GPHN: variants seen among roughly 807,000 people sequenced by gnomAD.
GPHN encodes the protein gephyrin.
A neutral mutation model predicts 95.5 loss-of-function variants in GPHN; 17 were observed. The ratio of observed to expected loss-of-function variants is 0.18; its 90% CI spans 0.12 to 0.27. GPHN has a LOEUF of 0.27. Among genes scored for constraint, GPHN ranks in the 10% least tolerant of loss-of-function variants. The pLI is 1.00. For missense variants in GPHN, 660 were observed against 978.1 expected (o/e 0.67, Z 4.34); for synonymous variants, 320 against 322.5 (o/e 0.99, Z 0.08).
At chr14:66,676,394 T>A (rs1054049746) in intron 1 of GPHN, among the ~76,000 whole-genome samples, 2 of 152,134 alleles carry the variant, frequency 1.3e-5, no homozygotes, top group African/African-American at 4.8e-5. Flanking sequence ...TTCTAGTTCT[T>A]AAAGGCTTTT....
At chr14:66,538,478 T>A (rs1381283078) in intron 1 of GPHN, among the ~76,000 whole-genome samples, 4 of 152,060 alleles carry the variant, frequency 2.6e-5, no homozygotes, top group Non-Finnish European at 4.4e-5. Context: ...GTGGTTCAAT[T>A]TTGTATTTTT....
the GPHN span, among the ~76,000 whole-genome samples, chr14:67,553,742 C>T: frequency 6.6e-6 from 1 of 152,182 alleles, no homozygotes; most frequent in Non-Finnish European, 1.5e-5. Flanking sequence ...TTATCTGCCC[C>T]GTGGCTGCAT....
At chr14:67,615,834 CTGGCCTGTCCATTGGTGA>C in the GPHN span, 1 of 616,282 alleles carries the variant, frequency 1.6e-6, no homozygotes, top group East Asian at 3.3e-5. Flanking sequence ...AGAGAACATT[CTGGCCTGTCCATTGGTGA>C]TTCGGCGAAG....
At chr14:66,587,165 A>G (rs185495660) in intron 1 of GPHN, among the ~76,000 whole-genome samples, 2 of 152,298 alleles carry the variant, frequency 1.3e-5, no homozygotes, top group Admixed American at 1.3e-4. Flanking sequence ...GAAATGTACA[A>G]CTACCAAGAA....
intron 18 of GPHN, among the ~76,000 whole-genome samples, chr14:67,152,686 G>A (rs1259023621): frequency 6.6e-6 from 1 of 152,204 alleles, no homozygotes; most frequent in Non-Finnish European, 1.5e-5. Context: ...ATGTTCACTG[G>A]CGGGGCGCGG....
chr14:67,600,039 G>C, the GPHN span: 1 of 1,573,352 alleles, frequency 6.4e-7, no homozygotes, highest in Admixed American at 1.9e-5. Context: ...AGAGGGTGAA[G>C]AGTCCGTAGG....
At chr14:66,823,008 T>A (rs1407323087) in intron 3 of GPHN, 1 of 152,250 alleles carries the variant, frequency 6.6e-6, no homozygotes, top group East Asian at 1.9e-4. Flanking sequence ...GTTTTTTGTT[T>A]ATTGTTTTCT....
At chr14:66,873,266 C>T (rs1247265479) in intron 4 of GPHN, among the ~76,000 whole-genome samples, 4 of 152,178 alleles carry the variant, frequency 2.6e-5, no homozygotes, top group African/African-American at 7.2e-5. Flanking sequence ...CTTTGCAAAC[C>T]GCAGACCAGG....
chr14:67,716,196 CAAA>C, the GPHN span, among the ~76,000 whole-genome samples: 3 of 108,700 alleles, frequency 2.8e-5, no homozygotes, highest in Non-Finnish European at 1.9e-5. Flanking sequence ...GACTCCGTCT[CAAA>C]AAAAAAAAAA....
chr14:66,951,301 A>C (rs1487704590), intron 8 of GPHN, among the ~76,000 whole-genome samples: 1 of 151,964 alleles, frequency 6.6e-6, no homozygotes, highest in Non-Finnish European at 1.5e-5. Context: ...GGCAGATCAC[A>C]AGGTCAGGAC....
chr14:67,405,560 C>T, the GPHN span, among the ~76,000 whole-genome samples: 2 of 152,172 alleles, frequency 1.3e-5, no homozygotes, highest in African/African-American at 4.8e-5. Context: ...TGTTCACAGC[C>T]TTGCATAGTC....
chr14:67,590,687 T>C, the GPHN span, among the ~76,000 whole-genome samples: 1,415 of 152,226 alleles, frequency 9.3e-3, 79 homozygotes, highest in East Asian at 0.12. Flanking sequence ...CTCACCCACA[T>C]CAAGGGGTAT....
At chr14:66,686,104 A>G (rs1056341518) in intron 2 of GPHN, among the ~76,000 whole-genome samples, 3 of 152,138 alleles carry the variant, frequency 2.0e-5, no homozygotes, top group Admixed American at 6.6e-5. Flanking sequence ...CCAGTGGTCT[A>G]TATCTCTGTT....
intron 12 of GPHN, among the ~76,000 whole-genome samples, chr14:67,093,006 G>A (rs1032731974): frequency 3.3e-5 from 5 of 152,002 alleles, no homozygotes; most frequent in Non-Finnish European, 5.9e-5. Context: ...AGAACTCCAA[G>A]TTCAGCTTTC....
At chr14:67,695,101 C>T in the GPHN span, among the ~76,000 whole-genome samples, 2 of 152,308 alleles carry the variant, frequency 1.3e-5, no homozygotes, top group East Asian at 3.9e-4. Context: ...TAACCAAACA[C>T]TCTTCCTTTT....
the GPHN span, among the ~76,000 whole-genome samples, chr14:67,495,146 T>A: frequency 6.6e-6 from 1 of 152,134 alleles, no homozygotes; most frequent in Admixed American, 6.5e-5. Context: ...GGAACAGACA[T>A]GGAGGCAAAT....
intron 5 of GPHN, among the ~76,000 whole-genome samples, chr14:66,913,840 T>C (rs1164769065): frequency 6.6e-6 from 1 of 152,224 alleles, no homozygotes; most frequent in East Asian, 1.9e-4. Context: ...TTGGTGCTTA[T>C]AGTTTTTAAA....
At chr14:67,698,886 G>A in the GPHN span, among the ~76,000 whole-genome samples, 5 of 152,100 alleles carry the variant, frequency 3.3e-5, no homozygotes, top group Admixed American at 2.0e-4. Flanking sequence ...AAAACAAACA[G>A]TGGGCTGCAT....
At chr14:67,275,774 TATTA>T in the GPHN span, among the ~76,000 whole-genome samples, 2 of 152,204 alleles carry the variant, frequency 1.3e-5, no homozygotes, top group African/African-American at 2.4e-5. Flanking sequence ...GTTGGTAGGC[TATTA>T]ATTATTGCCT....
Sources: gnomAD v4.1 joint callset for allele counts (sites outside exome capture counted in the v4.1 genomes callset) on GRCh38, gnomAD v4.1.1 for gene constraint, MANE v1.5 for transcripts, NCBI Gene and HGNC (gene_info 2026-07-23, HGNC 2026-07-21) for gene names.